CPNE4: variants seen among roughly 807,000 people sequenced by gnomAD.
CPNE4 encodes the protein copine 4.
CPNE4 carries 25 observed loss-of-function variants against 67.9 expected under a neutral mutation model. The observed-to-expected ratio is 0.37, with a 90% confidence interval of 0.27 to 0.51. CPNE4 has a LOEUF of 0.51. Among genes scored for constraint, CPNE4 ranks in the 20% least tolerant of loss-of-function variants. CPNE4 has a pLI of 0.93. For missense variants in CPNE4, 464 were observed against 690.8 expected, an observed-to-expected ratio of 0.67 and a Z score of 3.68; for synonymous variants, 242 against 244.9, an observed-to-expected ratio of 0.99 and a Z score of 0.11.
chr3:131,666,266 C>T (rs937096534), intron 7 of CPNE4, among the ~76,000 whole-genome samples: 2 of 151,630 alleles, frequency 1.3e-5, no homozygotes, highest in Non-Finnish European at 2.9e-5. Context: ...AATTATAAGG[C>T]AAAATTAAAT....
At chr3:131,820,185 C>G (rs553003333) in intron 2 of CPNE4, among the ~76,000 whole-genome samples, 39 of 152,298 alleles carry the variant, frequency 2.6e-4, no homozygotes, top group African/African-American at 9.1e-4. Flanking sequence ...GTTTAGCATT[C>G]AGGATATTTA....
At chr3:131,706,259 T>A (rs975764231) in intron 3 of CPNE4, among the ~76,000 whole-genome samples, 5 of 152,164 alleles carry the variant, frequency 3.3e-5, no homozygotes, top group African/African-American at 9.7e-5. Context: ...GTATTTTTGT[T>A]ATTACTTTTT....
At chr3:131,806,148 G>C (rs908181616) in intron 2 of CPNE4, among the ~76,000 whole-genome samples, 3 of 152,172 alleles carry the variant, frequency 2.0e-5, no homozygotes, top group African/African-American at 7.2e-5. Context: ...AAAGTATCTG[G>C]GAAGTTAAGG....
chr3:131,610,985 C>A (rs1231123164), intron 7 of CPNE4, among the ~76,000 whole-genome samples: 1 of 152,188 alleles, frequency 6.6e-6, no homozygotes, highest in Non-Finnish European at 1.5e-5. Context: ...CCTTAATTTT[C>A]CATTTCAGCA....
intron 2 of CPNE4, among the ~76,000 whole-genome samples, chr3:131,894,407 A>T (rs2088236005): frequency 6.6e-6 from 1 of 152,054 alleles, no homozygotes; most frequent in Non-Finnish European, 1.5e-5. Flanking sequence ...TTGCACAGCA[A>T]AGGAAACTTT....
At chr3:131,668,639 G>C (rs538677702) in intron 7 of CPNE4, among the ~76,000 whole-genome samples, 2 of 152,198 alleles carry the variant, frequency 1.3e-5, no homozygotes, top group East Asian at 1.9e-4. Context: ...TGGCCTTTTA[G>C]TTTATAGGCA....
intron 2 of CPNE4, among the ~76,000 whole-genome samples, chr3:131,817,281 G>A (rs1054298325): frequency 2.6e-5 from 4 of 152,172 alleles, no homozygotes; most frequent in Non-Finnish European, 4.4e-5. Flanking sequence ...GCTTTATTGC[G>A]AAGGTAAGGC....
At chr3:131,696,950 T>G (rs1026746511) in intron 4 of CPNE4, among the ~76,000 whole-genome samples, 1 of 152,232 alleles carries the variant, frequency 6.6e-6, no homozygotes, top group African/African-American at 2.4e-5. Flanking sequence ...TATAATTAAC[T>G]ACAATGTCTC....
At chr3:131,681,521 A>C (rs888283100) in intron 6 of CPNE4, among the ~76,000 whole-genome samples, 1 of 152,050 alleles carries the variant, frequency 6.6e-6, no homozygotes, top group Non-Finnish European at 1.5e-5. Flanking sequence ...ATTGTACGTA[A>C]TTTGTTTTTC....
chr3:131,934,548 T>C (rs960814376), intron 1 of CPNE4, among the ~76,000 whole-genome samples: 2 of 152,188 alleles, frequency 1.3e-5, no homozygotes, highest in South Asian at 4.1e-4. Context: ...TTTCTCCTAA[T>C]GCTATCACTC....
chr3:131,895,885 T>C (rs1256159193), intron 2 of CPNE4, among the ~76,000 whole-genome samples: 1 of 152,022 alleles, frequency 6.6e-6, no homozygotes, highest in African/African-American at 2.4e-5. Context: ...AAATAAACAA[T>C]GAAAAACTTC....
At chr3:131,972,111 T>G (rs1583536836) in intron 1 of CPNE4, among the ~76,000 whole-genome samples, 1 of 148,822 alleles carries the variant, frequency 6.7e-6, no homozygotes, top group South Asian at 2.2e-4. Context: ...TTCTATCCTT[T>G]AGAGAGAGAG....
intron 2 of CPNE4, among the ~76,000 whole-genome samples, chr3:131,827,803 C>A (rs1173508541): frequency 6.6e-6 from 1 of 151,870 alleles, no homozygotes; most frequent in African/African-American, 2.4e-5. Flanking sequence ...TGGAGCAGAT[C>A]CAGATGGGGC....
intron 1 of CPNE4, among the ~76,000 whole-genome samples, chr3:131,953,113 G>C (rs768322173): frequency 6.6e-6 from 1 of 151,986 alleles, no homozygotes; most frequent in Non-Finnish European, 1.5e-5. Flanking sequence ...GCAGAGGGCC[G>C]CAGGGTCCTC....
chr3:131,949,070 C>T (rs1161301230), intron 1 of CPNE4, among the ~76,000 whole-genome samples: 1 of 152,092 alleles, frequency 6.6e-6, no homozygotes, highest in Non-Finnish European at 1.5e-5. Context: ...ATAATATAAA[C>T]CTTGCAGGGT....
chr3:131,858,826 C>T (rs2086559597), intron 2 of CPNE4, among the ~76,000 whole-genome samples: 1 of 152,090 alleles, frequency 6.6e-6, no homozygotes, highest in Non-Finnish European at 1.5e-5. Context: ...TACAAAATTG[C>T]AATTTGACAT....
At chr3:131,835,802 G>T (rs577586039) in intron 2 of CPNE4, among the ~76,000 whole-genome samples, 1 of 152,190 alleles carries the variant, frequency 6.6e-6, no homozygotes, top group East Asian at 1.9e-4. Context: ...TGAAGAGGTG[G>T]TGACTCTCCT....
At chr3:131,806,496 G>A (rs2084315614) in intron 2 of CPNE4, among the ~76,000 whole-genome samples, 1 of 148,158 alleles carries the variant, frequency 6.7e-6, no homozygotes, top group African/African-American at 2.5e-5. Context: ...CTTGCAGTGA[G>A]CCGAGATTGT....
chr3:132,003,024 G>GA (rs1485392466), intron 1 of CPNE4, among the ~76,000 whole-genome samples: 1 of 152,078 alleles, frequency 6.6e-6, no homozygotes, highest in African/African-American at 2.4e-5. Flanking sequence ...ATTTTAACAA[G>GA]ATCTCCAGAT....
Sources: allele counts gnomAD v4.1 joint callset (sites outside exome capture counted in the v4.1 genomes callset), GRCh38; gene constraint gnomAD v4.1.1; transcripts MANE v1.5; gene names NCBI Gene and HGNC (gene_info 2026-07-23, HGNC 2026-07-21).